Variants in NLGN1 observed in about 807,000 individuals in gnomAD.
The protein encoded by NLGN1 is neuroligin-1.
Under a neutral mutation model 65.5 loss-of-function variants are expected in NLGN1, and 12 were observed. The ratio of observed to expected loss-of-function variants is 0.18; its 90% CI spans 0.12 to 0.30. The LOEUF (loss-of-function observed/expected upper bound fraction) is 0.30, where lower values mean the gene tolerates loss of function less well. Among genes scored for constraint, NLGN1 ranks in the 10% least tolerant of loss-of-function variants. The pLI is 1.00. For missense variants in NLGN1, 750 were observed against 1,007.1 expected (o/e 0.74, Z 3.46); for synonymous variants, 350 against 359.5 (o/e 0.97, Z 0.30).
At chr3:173,755,138 G>A (rs1327549849) in intron 3 of NLGN1, among the ~76,000 whole-genome samples, 1 of 151,946 alleles carries the variant, frequency 6.6e-6, no homozygotes, top group Non-Finnish European at 1.5e-5. Flanking sequence ...GTACTGTTTG[G>A]CAATTTTGTT....
intron 3 of NLGN1, among the ~76,000 whole-genome samples, chr3:173,646,049 C>G (rs1758212773): frequency 6.6e-6 from 1 of 152,172 alleles, no homozygotes. Flanking sequence ...GCTTTTGGCT[C>G]TGCCCCCTAT....
chr3:173,936,328 A>G (rs1346597288), intron 4 of NLGN1, among the ~76,000 whole-genome samples: 2 of 152,012 alleles, frequency 1.3e-5, no homozygotes, highest in Non-Finnish European at 2.9e-5. Context: ...AGTACCATGC[A>G]TTTTATGTTT....
At chr3:174,169,753 C>A (rs73035627) in intron 4 of NLGN1, among the ~76,000 whole-genome samples, 1 of 152,082 alleles carries the variant, frequency 6.6e-6, no homozygotes, top group Non-Finnish European at 1.5e-5. Context: ...CGAGTCTCAC[C>A]ACCCAGGAGA....
chr3:173,596,337 A>T (rs1368522849), intron 2 of NLGN1, among the ~76,000 whole-genome samples: 2 of 152,206 alleles, frequency 1.3e-5, no homozygotes, highest in Non-Finnish European at 2.9e-5. Flanking sequence ...GATTTCTCCC[A>T]GGAGGAGGTT....
intron 4 of NLGN1, among the ~76,000 whole-genome samples, chr3:174,129,396 C>A: frequency 6.8e-6 from 1 of 146,902 alleles, no homozygotes; most frequent in East Asian, 1.9e-4. Flanking sequence ...CACACACACA[C>A]ACACTCATTC....
intron 4 of NLGN1, among the ~76,000 whole-genome samples, chr3:174,229,495 G>C (rs533634253): frequency 6.6e-6 from 1 of 152,220 alleles, no homozygotes; most frequent in South Asian, 2.1e-4. Flanking sequence ...AAAGTGAAAT[G>C]TTAGATTTGT....
chr3:173,550,048 G>C (rs1740577440), intron 2 of NLGN1, among the ~76,000 whole-genome samples: 3 of 152,028 alleles, frequency 2.0e-5, no homozygotes, highest in Non-Finnish European at 4.4e-5. Flanking sequence ...AGCTGTAAAA[G>C]TGTCATGAAT....
intron 4 of NLGN1, among the ~76,000 whole-genome samples, chr3:174,273,573 TTCTA>T (rs1315185082): frequency 2.0e-4 from 31 of 151,710 alleles, no homozygotes; most frequent in Admixed American, 1.6e-3. Context: ...TTGCAAATAC[TTCTA>T]TCTAAGAAGA....
intron 3 of NLGN1, among the ~76,000 whole-genome samples, chr3:173,679,796 A>T (rs1246190931): frequency 6.6e-6 from 1 of 152,094 alleles, no homozygotes; most frequent in Admixed American, 6.6e-5. Context: ...GATTTTGGTA[A>T]TTGTTAACCA....
At chr3:174,103,392 A>G (rs941525151) in intron 4 of NLGN1, among the ~76,000 whole-genome samples, 1 of 152,200 alleles carries the variant, frequency 6.6e-6, no homozygotes, top group Non-Finnish European at 1.5e-5. Context: ...TTTTGCTTAT[A>G]CAAATATCTC....
intron 4 of NLGN1, among the ~76,000 whole-genome samples, chr3:174,015,105 T>C (rs910806906): frequency 4.6e-5 from 7 of 152,162 alleles, no homozygotes; most frequent in Non-Finnish European, 1.5e-5. Flanking sequence ...TAATTACATT[T>C]TGCTATATTT....
intron 4 of NLGN1, among the ~76,000 whole-genome samples, chr3:173,808,254 TG>T (rs1381870806): frequency 6.6e-6 from 1 of 152,156 alleles, no homozygotes; most frequent in Middle Eastern, 3.2e-3. Context: ...TGTTTGCCAT[TG>T]TGATGGAGGT....
rs983944844 is a variant in NLGN1, at chr3:174,007,116, A to G, written c.646+199284A>G. Among the ~76,000 whole-genome samples the G allele has an allele frequency of 5.3e-5, 8 of 152,088 alleles. No homozygotes were observed. The South Asian group carries it at 8.3e-4, about 16-fold the overall frequency. ...AGATTCAGACACACAGAGAGACACT[A>G]GGGATGCATGCACGCAGAGGAAAGA... On this transcript the variant is annotated intron_variant, in intron 4 of 6. Coordinates refer to ENST00000457714, the Ensembl canonical transcript of NLGN1.
chr3:173,940,080 CTTTTTTTTTTTTTT>C (rs531013909), intron 4 of NLGN1, among the ~76,000 whole-genome samples: 3 of 75,434 alleles, frequency 4.0e-5, no homozygotes, highest in African/African-American at 1.2e-4. Context: ...ATAGTTATAG[CTTTTTTTTTTTTTT>C]TTTTTTTTTT....
chr3:173,974,382 A>C (rs1276410132), intron 4 of NLGN1, among the ~76,000 whole-genome samples: 2 of 152,064 alleles, frequency 1.3e-5, no homozygotes, highest in South Asian at 4.1e-4. Context: ...ACTTTTACTT[A>C]AATAAGTAAG....
At chr3:173,605,550 G>A (rs1051087946) in intron 3 of NLGN1, 1 of 1,287,060 alleles carries the variant, frequency 7.8e-7, no homozygotes, top group African/African-American at 1.5e-5. Context: ...GAATATCCAA[G>A]GAATGTGCCA....
chr3:173,598,819 T>A (rs3853387), intron 2 of NLGN1, among the ~76,000 whole-genome samples: 6 of 152,176 alleles, frequency 3.9e-5, no homozygotes, highest in Non-Finnish European at 7.4e-5. Context: ...AAACAATTCC[T>A]GTAAGGGAGT....
chr3:173,923,383 A>C (rs1742414841), intron 4 of NLGN1, among the ~76,000 whole-genome samples: 1 of 152,170 alleles, frequency 6.6e-6, no homozygotes, highest in African/African-American at 2.4e-5. Context: ...ATGGTCATAC[A>C]TACCCCACCC....
intron 4 of NLGN1, among the ~76,000 whole-genome samples, chr3:173,812,936 TGAG>T (rs985936637): frequency 2.0e-5 from 3 of 150,226 alleles, no homozygotes; most frequent in African/African-American, 7.3e-5. Context: ...TCACTATAGT[TGAG>T]GAGAAAAACA....
Sources: gnomAD v4.1 joint callset for allele counts (sites outside exome capture counted in the v4.1 genomes callset) on GRCh38, gnomAD v4.1.1 for gene constraint, MANE v1.5 for transcripts, NCBI Gene and HGNC (gene_info 2026-07-23, HGNC 2026-07-21) for gene names.